The following ST8SIA5 variants were observed in gnomAD, a reference collection of about 807,000 sequenced individuals.
ST8SIA5 encodes the protein ST8 alpha-N-acetyl-neuraminide alpha-2,8-sialyltransferase 5.
Under a neutral mutation model 40.2 loss-of-function variants are expected in ST8SIA5, and 24 were observed. That is an observed-to-expected ratio of 0.60 (90% CI 0.43 to 0.84). ST8SIA5 has a LOEUF of 0.84. Among genes scored for constraint, ST8SIA5 ranks in the 40% least tolerant of loss-of-function variants. The pLI is 0.00. For synonymous variants in ST8SIA5, 198 were observed against 201.8 expected (o/e 0.98, Z 0.16); for missense variants, 465 against 498.5 (o/e 0.93, Z 0.64).
At chr18:46,748,555 C>CAAAAAAAAAAAAAAAAAAAAAAAAAA (rs71162822) in intron 1 of ST8SIA5, among the ~76,000 whole-genome samples, 1 of 78,390 alleles carries the variant, frequency 1.3e-5, no homozygotes, top group Non-Finnish European at 2.3e-5. Context: ...AACTTCCTCT[C>CAAAAAAAAAAAAAAAAAAAAAAAAAA]AAAAAAAAAA....
chr18:46,725,432 C>G (rs2039907101), intron 1 of ST8SIA5, among the ~76,000 whole-genome samples: 1 of 152,148 alleles, frequency 6.6e-6, no homozygotes, highest in East Asian at 1.9e-4. Context: ...CATGGTGAGA[C>G]CCCATGTCCC....
At chr18:46,722,488 G>A (rs1025171574) in intron 1 of ST8SIA5, among the ~76,000 whole-genome samples, 4 of 152,244 alleles carry the variant, frequency 2.6e-5, no homozygotes, top group African/African-American at 7.2e-5. Flanking sequence ...CTGCCTTCCA[G>A]GTTTGCTGAG....
At chr18:46,694,857 C>T (rs962381758) in intron 2 of ST8SIA5, among the ~76,000 whole-genome samples, 4 of 151,948 alleles carry the variant, frequency 2.6e-5, no homozygotes, top group African/African-American at 9.7e-5. Flanking sequence ...AGCAAATACC[C>T]ACTTTAAAAA....
chr18:46,720,316 G>C (rs561716446), intron 1 of ST8SIA5, among the ~76,000 whole-genome samples: 1 of 152,060 alleles, frequency 6.6e-6, no homozygotes, highest in Non-Finnish European at 1.5e-5. Flanking sequence ...CACCTTACCC[G>C]TGATGTCCAG....
At chr18:46,741,327 A>G (rs115842633) in intron 1 of ST8SIA5, among the ~76,000 whole-genome samples, 1,950 of 152,308 alleles carry the variant, frequency 0.013, 38 homozygotes, top group African/African-American at 0.044. Flanking sequence ...TACTCTTACA[A>G]TTACTAAAGA....
intron 2 of ST8SIA5, among the ~76,000 whole-genome samples, chr18:46,699,637 C>T (rs1184536729): frequency 6.6e-6 from 1 of 152,192 alleles, no homozygotes; most frequent in African/African-American, 2.4e-5. Context: ...CCTCGGCCTC[C>T]CAAAGTGCTG....
At chr18:46,710,901 C>CTGATGGTA (rs1364435323) in intron 1 of ST8SIA5, among the ~76,000 whole-genome samples, 12 of 152,156 alleles carry the variant, frequency 7.9e-5, no homozygotes, top group African/African-American at 2.9e-4. Context: ...CCATCCCCAC[C>CTGATGGTA]CCCAGACACT....
At chr18:46,701,124 T>C (rs2144495671) in intron 2 of ST8SIA5, among the ~76,000 whole-genome samples, 1 of 138,110 alleles carries the variant, frequency 7.2e-6, no homozygotes, top group African/African-American at 2.7e-5. Flanking sequence ...TATTTGGAGA[T>C]AGGGCCTTTT....
chr18:46,748,591 T>C (rs1306527461), intron 1 of ST8SIA5, among the ~76,000 whole-genome samples: 1 of 118,790 alleles, frequency 8.4e-6, no homozygotes, highest in African/African-American at 3.1e-5. Flanking sequence ...AGAATCTAAA[T>C]AGATATTTCT....
At chr18:46,680,545 TCCTCCGTGC>T in intron 6 of ST8SIA5, 35 bp from the exon 7 acceptor site, 1 of 1,520,592 alleles carries the variant, frequency 6.6e-7, no homozygotes, top group Non-Finnish European at 8.9e-7. Context: ...GAGCACCCAC[TCCTCCGTGC>T]CCTCAGGCCC....
At chr18:46,722,070 T>C (rs2039869340) in intron 1 of ST8SIA5, among the ~76,000 whole-genome samples, 1 of 152,202 alleles carries the variant, frequency 6.6e-6, no homozygotes, top group Admixed American at 6.5e-5. Context: ...CACAAGGTCA[T>C]GGACCTCCAC....
In ST8SIA5 at chr18:46,724,419, G is replaced by A. The variant is rs143094977; in HGVS notation, c.132-19755C>T. On this transcript the variant is annotated intron_variant, in intron 1 of 6. Coordinates refer to ENST00000315087, the MANE Select transcript of ST8SIA5 (RefSeq NM_013305.6). Reference sequence around the variant, plus strand: ...AGGTACAACTCACAGGGCAGAGGCCGAAGCCAAAGCAAAATGCCTGTCCAG... The same window carrying A: ...AGGTACAACTCACAGGGCAGAGGCCAAAGCCAAAGCAAAATGCCTGTCCAG... Among the ~76,000 whole-genome samples, 23 of 152,388 alleles carry A rather than the reference G, an allele frequency of 1.5e-4. No individual in the cohort carries two copies. The East Asian group carries it at 3.9e-3, about 26-fold the overall frequency.
At chr18:46,710,367 CTTT>C (rs1568262965) in intron 1 of ST8SIA5, among the ~76,000 whole-genome samples, 7 of 23,438 alleles carry the variant, frequency 3.0e-4, no homozygotes, top group Non-Finnish European at 7.3e-4. Flanking sequence ...TCTTTCTTTT[CTTT>C]CTTTCTTTCT....
At chr18:46,698,156 C>T (rs868190357) in intron 2 of ST8SIA5, among the ~76,000 whole-genome samples, 1 of 150,698 alleles carries the variant, frequency 6.6e-6, no homozygotes, top group African/African-American at 2.4e-5. Context: ...CCCAACAATC[C>T]ACCACACCAA....
intron 4 of ST8SIA5, among the ~76,000 whole-genome samples, chr18:46,687,849 C>A (rs1444672418): frequency 6.6e-6 from 1 of 152,208 alleles, no homozygotes; most frequent in Non-Finnish European, 1.5e-5. Context: ...GTCCTGGGCC[C>A]AGAGCTCTCC....
At chr18:46,753,348 G>T (rs1032073939) in intron 1 of ST8SIA5, among the ~76,000 whole-genome samples, 3 of 152,070 alleles carry the variant, frequency 2.0e-5, no homozygotes, top group African/African-American at 7.2e-5. Flanking sequence ...CGAGGCGGGC[G>T]GATCACAAGG....
intron 1 of ST8SIA5, among the ~76,000 whole-genome samples, chr18:46,726,034 G>GATATATATATATAT (rs1416818549): frequency 6.6e-5 from 4 of 60,992 alleles, no homozygotes; most frequent in African/African-American, 3.3e-4. Flanking sequence ...ATATATCCTG[G>GATATATATATATAT]ATATATATAT....
At chr18:46,694,455 C>A (rs1317679701) in intron 2 of ST8SIA5, among the ~76,000 whole-genome samples, 1 of 152,156 alleles carries the variant, frequency 6.6e-6, no homozygotes, top group Non-Finnish European at 1.5e-5. Flanking sequence ...ATCATACACT[C>A]CTTAAAGGCA....
intron 5 of ST8SIA5, among the ~76,000 whole-genome samples, chr18:46,684,039 C>A (rs946478266): frequency 2.0e-5 from 3 of 151,996 alleles, no homozygotes; most frequent in African/African-American, 7.3e-5. Flanking sequence ...TTGGCGTGCA[C>A]ATACAGGCAC....
Sources: allele counts gnomAD v4.1 joint callset (sites outside exome capture counted in the v4.1 genomes callset), GRCh38; gene constraint gnomAD v4.1.1; transcripts MANE v1.5; gene names NCBI Gene and HGNC (gene_info 2026-07-23, HGNC 2026-07-21).